Variants in KHDRBS2 observed in about 807,000 individuals in gnomAD.
KHDRBS2 encodes KH RNA binding domain containing, signal transduction associated 2, also known as KH domain-containing, RNA-binding, signal transduction-associated protein 2.
A neutral mutation model predicts 44.3 loss-of-function variants in KHDRBS2; 26 were observed. The observed-to-expected ratio is 0.59, with a 90% confidence interval of 0.43 to 0.81. The LOEUF is 0.81. KHDRBS2 is among the 40% of genes least tolerant of loss of function. The pLI is 0.00. For missense variants in KHDRBS2, 476 were observed against 433.1 expected (o/e 1.10, Z -0.88); for synonymous variants, 194 against 151.1 (o/e 1.28, Z -2.08).
At chr6:61,920,927 A>G (rs1807961003) in intron 4 of KHDRBS2, among the ~76,000 whole-genome samples, 1 of 151,948 alleles carries the variant, frequency 6.6e-6, no homozygotes, top group African/African-American at 2.4e-5. Context: ...CATAAAGGCA[A>G]AAATTAATAA....
the KHDRBS2 span, among the ~76,000 whole-genome samples, chr6:61,567,852 G>A: frequency 6.6e-6 from 1 of 151,630 alleles, no homozygotes. Context: ...CATTAATATA[G>A]TAGCCTTTTT....
intron 6 of KHDRBS2, among the ~76,000 whole-genome samples, chr6:61,823,558 G>A (rs140397813): frequency 1.5e-4 from 23 of 152,104 alleles, no homozygotes; most frequent in Admixed American, 1.1e-3. Flanking sequence ...CTTAGTATGC[G>A]ATATTTCTCT....
At chr6:61,852,536 C>T (rs1052973705) in intron 6 of KHDRBS2, among the ~76,000 whole-genome samples, 2 of 151,292 alleles carry the variant, frequency 1.3e-5, no homozygotes, top group African/African-American at 4.9e-5. Flanking sequence ...TGCACTCCAG[C>T]CTGGTGACAG....
intron 7 of KHDRBS2, among the ~76,000 whole-genome samples, chr6:61,718,268 C>G (rs1333958887): frequency 6.6e-6 from 1 of 151,980 alleles, no homozygotes; most frequent in African/African-American, 2.4e-5. Flanking sequence ...GGTTTGAGAA[C>G]CTATTTTTCC....
chr6:61,955,349 CAT>C (rs762601753), intron 4 of KHDRBS2, among the ~76,000 whole-genome samples: 3 of 100,840 alleles, frequency 3.0e-5, no homozygotes, highest in African/African-American at 4.5e-5. Flanking sequence ...TGTATGTATA[CAT>C]ATATATGTAT....
At chr6:61,773,556 A>C (rs199561347) in intron 6 of KHDRBS2, among the ~76,000 whole-genome samples, 93,392 of 147,290 alleles carry the variant, frequency 0.63, 30,384 homozygotes, top group African/African-American at 0.78. Context: ...CTTTGTCAGA[A>C]GAGTAGGTTG....
chr6:62,222,462 T>TAAAACCATC (rs1184464000), intron 1 of KHDRBS2, among the ~76,000 whole-genome samples: 2 of 152,040 alleles, frequency 1.3e-5, no homozygotes, highest in Admixed American at 6.6e-5. Context: ...AAACCCCTGA[T>TAAAACCATC]AAAACCATCA....
chr6:61,565,472 A>C, the KHDRBS2 span, among the ~76,000 whole-genome samples: 1 of 152,192 alleles, frequency 6.6e-6, no homozygotes, highest in African/African-American at 2.4e-5. Flanking sequence ...CAATAGCAAA[A>C]AAACAAATAA....
At chr6:61,763,478 G>A (rs1779566575) in intron 6 of KHDRBS2, among the ~76,000 whole-genome samples, 1 of 152,128 alleles carries the variant, frequency 6.6e-6, no homozygotes, top group Non-Finnish European at 1.5e-5. Flanking sequence ...ATGTTCCTGA[G>A]ACTTTGTGCT....
chr6:61,944,809 G>C (rs1348144605), intron 4 of KHDRBS2, among the ~76,000 whole-genome samples: 7 of 151,664 alleles, frequency 4.6e-5, no homozygotes, highest in African/African-American at 1.7e-4. Context: ...AAACATATGA[G>C]GCTGGGAGCA....
chr6:62,240,216 G>T (rs1025990088), intron 1 of KHDRBS2, among the ~76,000 whole-genome samples: 7 of 152,010 alleles, frequency 4.6e-5, no homozygotes, highest in African/African-American at 1.7e-4. Context: ...AGTTGCTCCA[G>T]ATTTGCCACT....
the KHDRBS2 span, among the ~76,000 whole-genome samples, chr6:61,570,959 A>G: frequency 6.6e-6 from 1 of 151,996 alleles, no homozygotes; most frequent in Non-Finnish European, 1.5e-5. Flanking sequence ...CCAAAATAGA[A>G]TCTTCTTAAA....
intron 2 of KHDRBS2, among the ~76,000 whole-genome samples, chr6:62,172,952 G>A (rs910249285): frequency 2.0e-5 from 3 of 151,702 alleles, no homozygotes; most frequent in Non-Finnish European, 4.4e-5. Context: ...TAATAAGAAA[G>A]TTTATAGTGC....
chr6:62,010,477 G>A (rs1297877363), intron 3 of KHDRBS2, among the ~76,000 whole-genome samples: 1 of 152,116 alleles, frequency 6.6e-6, no homozygotes, highest in Non-Finnish European at 1.5e-5. Context: ...GATTGGTTTT[G>A]AAATGTGAGG....
intron 1 of KHDRBS2, among the ~76,000 whole-genome samples, chr6:62,205,217 C>G (rs7746771): frequency 0.011 from 1,707 of 152,180 alleles, 34 homozygotes; most frequent in African/African-American, 0.039. Context: ...ACTGCTACTA[C>G]TATGAGTAAT....
In KHDRBS2 at chr6:62,224,183, A is replaced by T. The variant is rs370194325; in HGVS notation, c.92-46871T>A. The stretch of plus-strand genomic sequence containing the variant: ...GGAGGTGAAAGGCACTGCTTACATG[A>T]CAGCAGCAAGAGAAAATGAGAGAGA... On this transcript the variant is annotated intron_variant, in intron 1 of 8. Transcript: ENST00000281156. Among the ~76,000 whole-genome samples, 307 of 152,282 alleles carry T rather than the reference A, an allele frequency of 2.0e-3. 10 individuals carry two copies. In the South Asian group the frequency reaches 0.06, roughly 30 times the overall value.
At chr6:62,153,283 G>A (rs374401265) in intron 2 of KHDRBS2, among the ~76,000 whole-genome samples, 1 of 152,038 alleles carries the variant, frequency 6.6e-6, no homozygotes. Context: ...CTAATGCTGA[G>A]CAAATGATGA....
chr6:62,093,177 A>G, intron 2 of KHDRBS2, among the ~76,000 whole-genome samples: 1 of 152,006 alleles, frequency 6.6e-6, no homozygotes, highest in Admixed American at 6.6e-5. Flanking sequence ...ACAATAAAAC[A>G]GGATAAAACT....
intron 6 of KHDRBS2, chr6:61,816,552 T>A (rs1008503794): frequency 9.9e-5 from 42 of 423,454 alleles, no homozygotes; most frequent in Admixed American, 9.8e-4. Context: ...CCTGCTGACA[T>A]ATTGGACTTC....
Sources: gnomAD v4.1 joint callset for allele counts (sites outside exome capture counted in the v4.1 genomes callset) on GRCh38, gnomAD v4.1.1 for gene constraint, MANE v1.5 for transcripts, NCBI Gene and HGNC (gene_info 2026-07-23, HGNC 2026-07-21) for gene names.